Variants in SUCLG2 observed in about 807,000 individuals in gnomAD.
SUCLG2 encodes succinate-CoA ligase GDP-forming subunit beta.
Under a neutral mutation model 47.9 loss-of-function variants are expected in SUCLG2, and 42 were observed. The ratio of observed to expected loss-of-function variants is 0.88; its 90% CI spans 0.69 to 1.14. The LOEUF (loss-of-function observed/expected upper bound fraction) is 1.14, where lower values mean the gene tolerates loss of function less well. Among genes scored for constraint, SUCLG2 ranks in the 50% most tolerant of loss-of-function variants. The pLI, the probability that SUCLG2 is intolerant of heterozygous loss-of-function variation, is 0.00. For missense variants in SUCLG2, 571 were observed against 525.9 expected, an observed-to-expected ratio of 1.09 and a Z score of -0.84; for synonymous variants, 195 against 197.3, an observed-to-expected ratio of 0.99 and a Z score of 0.10.
chr3:67,369,564 T>TA (rs905776655), intron 10 of SUCLG2, among the ~76,000 whole-genome samples: 1 of 152,164 alleles, frequency 6.6e-6, no homozygotes, highest in African/African-American at 2.4e-5. Context: ...GTGTTGTGTG[T>TA]AGCGGGGAGG....
intron 1 of SUCLG2, among the ~76,000 whole-genome samples, chr3:67,633,357 T>C (rs2107355688): frequency 6.6e-6 from 1 of 152,322 alleles, no homozygotes; most frequent in African/African-American, 2.4e-5. Flanking sequence ...AATCAGTTTC[T>C]GTAGTAAAGT....
chr3:67,394,891 T>C (rs1312797838), intron 10 of SUCLG2, among the ~76,000 whole-genome samples: 1 of 152,086 alleles, frequency 6.6e-6, no homozygotes, highest in Non-Finnish European at 1.5e-5. Context: ...GAAAAGAATT[T>C]TCAACCCAGA....
chr3:67,492,109 T>C (rs746170362), intron 9 of SUCLG2, among the ~76,000 whole-genome samples: 6 of 152,212 alleles, frequency 3.9e-5, no homozygotes, highest in Non-Finnish European at 7.3e-5. Context: ...TGATTCAAAG[T>C]TGGATCTAAA....
intron 9 of SUCLG2, among the ~76,000 whole-genome samples, chr3:67,450,827 C>A (rs1056266857): frequency 2.6e-5 from 4 of 152,210 alleles, no homozygotes; most frequent in Non-Finnish European, 5.9e-5. Context: ...CCATGGCTAT[C>A]TTTCTTCCTT....
intron 6 of SUCLG2, among the ~76,000 whole-genome samples, chr3:67,513,678 T>C (rs1209541239): frequency 6.6e-6 from 1 of 152,224 alleles, no homozygotes; most frequent in Non-Finnish European, 1.5e-5. Context: ...AACATTCTCC[T>C]GGTCAACTTG....
rs192332334 is a variant in SUCLG2, at chr3:67,491,321, C to T, written c.1062+4477G>A. ...TGATGGGGACTGCATGAGGAGGAGG[C>T]TTCCAGGATCCCTGTTATGTTTTAT... On this transcript the variant is annotated intron_variant, in intron 9 of 10. Coordinates refer to ENST00000307227, the MANE Select transcript of SUCLG2 (RefSeq NM_003848.4). Among the ~76,000 whole-genome samples the T allele has an allele frequency of 1.1e-3, 162 of 148,324 alleles. 1 individual carries two copies. Among genetic ancestry groups the T allele is most frequent in the African/African-American group, 3.8e-3 (154 of 40,350 alleles).
intron 1 of SUCLG2, among the ~76,000 whole-genome samples, chr3:67,633,529 C>T (rs977618240): frequency 5.3e-5 from 8 of 152,148 alleles, no homozygotes; most frequent in African/African-American, 1.7e-4. Flanking sequence ...AATAATGTAA[C>T]AGGCATAATT....
chr3:67,390,178 AACT>A (rs1182397938), intron 10 of SUCLG2, among the ~76,000 whole-genome samples: 1 of 152,222 alleles, frequency 6.6e-6, no homozygotes, highest in Non-Finnish European at 1.5e-5. Flanking sequence ...CACATTTTGT[AACT>A]ACTACCTATT....
At chr3:67,625,748 A>G (rs1434115179) in intron 1 of SUCLG2, among the ~76,000 whole-genome samples, 1 of 152,130 alleles carries the variant, frequency 6.6e-6, no homozygotes, top group African/African-American at 2.4e-5. Flanking sequence ...TCCCAAAAGC[A>G]ATCTGCTGAA....
intron 9 of SUCLG2, among the ~76,000 whole-genome samples, chr3:67,416,793 T>C (rs1703048559): frequency 6.6e-6 from 1 of 152,216 alleles, no homozygotes; most frequent in Admixed American, 6.5e-5. Flanking sequence ...CCTCCAAAGT[T>C]CTGATTGTGT....
intron 2 of SUCLG2, among the ~76,000 whole-genome samples, chr3:67,548,693 G>A (rs1706931410): frequency 6.6e-6 from 1 of 152,086 alleles, no homozygotes; most frequent in African/African-American, 2.4e-5. Context: ...TTGTTTCTGA[G>A]AACATATTAC....
intron 2 of SUCLG2, among the ~76,000 whole-genome samples, chr3:67,538,394 T>C (rs551704680): frequency 3.9e-5 from 6 of 152,274 alleles, no homozygotes; most frequent in Admixed American, 3.9e-4. Context: ...TGTGGTGTTA[T>C]TTCGGAGGCC....
chr3:67,604,635 G>GT (rs1708489229), intron 2 of SUCLG2, among the ~76,000 whole-genome samples: 1 of 132,078 alleles, frequency 7.6e-6, no homozygotes, highest in African/African-American at 3.2e-5. Context: ...TTTCAGCTGG[G>GT]TAAGTAGGGT....
chr3:67,560,969 C>G (rs1707293158), intron 2 of SUCLG2, among the ~76,000 whole-genome samples: 1 of 149,606 alleles, frequency 6.7e-6, no homozygotes, highest in South Asian at 2.2e-4. Context: ...AATATAAAAC[C>G]AGCATAACAA....
intron 9 of SUCLG2, among the ~76,000 whole-genome samples, chr3:67,453,693 T>A (rs915410357): frequency 6.6e-6 from 1 of 152,210 alleles, no homozygotes; most frequent in East Asian, 1.9e-4. Context: ...GAAAACAATC[T>A]TCCAATGCAG....
At chr3:67,468,287 G>T (rs77585008) in intron 9 of SUCLG2, among the ~76,000 whole-genome samples, 7 of 152,220 alleles carry the variant, frequency 4.6e-5, no homozygotes, top group Admixed American at 3.3e-4. Flanking sequence ...CAGTCTAGCA[G>T]AAAAAGTAGG....
At chr3:67,428,544 T>C (rs1703369581) in intron 9 of SUCLG2, among the ~76,000 whole-genome samples, 1 of 152,080 alleles carries the variant, frequency 6.6e-6, no homozygotes, top group Non-Finnish European at 1.5e-5. Context: ...TCTCTTTCCC[T>C]CAAAAGGAAT....
chr3:67,495,671 A>G, intron 9 of SUCLG2, 127 bp downstream of exon 9: 1 of 962,370 alleles, frequency 1.0e-6, no homozygotes, highest in South Asian at 1.8e-5. Context: ...AAAAAAAGAT[A>G]GAAGTTGCAT....
At chr3:67,468,229 T>C (rs906972219) in intron 9 of SUCLG2, among the ~76,000 whole-genome samples, 6 of 152,320 alleles carry the variant, frequency 3.9e-5, no homozygotes, top group Admixed American at 3.3e-4. Context: ...TCAGCACCTA[T>C]TAGGTGCCAA....
Sources: gnomAD v4.1 joint callset for allele counts (sites outside exome capture counted in the v4.1 genomes callset) on GRCh38, gnomAD v4.1.1 for gene constraint, MANE v1.5 for transcripts, NCBI Gene and HGNC (gene_info 2026-07-23, HGNC 2026-07-21) for gene names.